FGFR4: variants seen among roughly 807,000 people sequenced by gnomAD.
FGFR4 encodes the protein fibroblast growth factor receptor 4, also known as hydroxyaryl-protein kinase.
FGFR4 carries 63 observed loss-of-function variants against 89.9 expected under a neutral mutation model. That is an observed-to-expected ratio of 0.70 (90% CI 0.57 to 0.86). FGFR4 has a LOEUF of 0.86. Ranked by LOEUF, FGFR4 falls within the 40% of genes least tolerant of loss-of-function variation. The probability of loss-of-function intolerance (pLI) is 0.00; values close to 1 mark genes in which losing one functional copy is unlikely to be tolerated. For missense variants in FGFR4, 928 were observed against 1,106.7 expected, an observed-to-expected ratio of 0.84 and a Z score of 2.29; for synonymous variants, 486 against 479.4, an observed-to-expected ratio of 1.01 and a Z score of -0.18.
rs1342760066 is a variant in FGFR4, at chr5:177,096,640, C to A, written c.2052C>A (p.Thr684=). The change falls in exon 16 of 18, where the codon ACC becomes ACA. Residue 684 remains threonine (T), a synonymous_variant. Coordinates refer to ENST00000292408, the MANE Select transcript of FGFR4 (RefSeq NM_213647.3). The stretch of plus-strand genomic sequence containing the variant: ...GGATCCTGCTATGGGAGATCTTCAC[C>A]CTCGGGGGCTCCCCGTATCCTGGCA... The part of the protein sequence containing the change: ...SFGILLWEIF[T]LGGSPYPGIP... 6.2e-7 allele frequency: 1 copy of A among 1,613,400 alleles called. No homozygotes were observed. Among genetic ancestry groups the A allele is most frequent in the Admixed American group, 1.7e-5 (1 of 59,902 alleles).
chr5:177,089,510 G>A (rs1181083508), intron 1 of FGFR4, 40 bp from the exon 2 acceptor site: 2 of 1,495,612 alleles, frequency 1.3e-6, no homozygotes, highest in Non-Finnish European at 1.8e-6. Context: ...CCCCACAAAG[G>A]TGCACGTGTA....
At position 177,093,585 on chromosome 5, in the gene FGFR4, C is replaced by T. The variant is rs1179963537; in HGVS notation, c.1397+34C>T. On this transcript the variant is annotated intron_variant, in intron 10 of 17. Coordinates refer to ENST00000292408, the MANE Select transcript of FGFR4 (RefSeq NM_213647.3). The surrounding 1 kb of genome is among the most constrained non-coding windows in gnomAD (Gnocchi z 5.8). ...AGCTGTGTGGGGGCAGGGACGCGGG[C>T]GCCGGGTTGCAGCCCGCCCTCCGCA... 14 of 1,612,032 alleles carry T rather than the reference C, an allele frequency of 8.7e-6. No individual in the cohort carries two copies. The Middle Eastern group carries it at 4.9e-4, about 57-fold the overall frequency.
Position 177,096,339 on chromosome 5 carries a change from A to C in FGFR4, c.1997A>C (p.Tyr666Ser). 6.2e-7 allele frequency: 1 copy of C among 1,613,970 alleles called. No individual in the cohort carries two copies. The highest frequency in any genetic ancestry group is 8.5e-7 in the Non-Finnish European group (1 of 1,179,984). ...MAPEALFDRV[Y>S]THQSDVWSFG... ...CCCGAGGCCTTGTTTGACCGGGTGT[A>C]CACACACCAGAGTGACGTGTGAGTC... The change falls in exon 15 of 18, where the codon TAC (tyrosine) becomes TCC (serine). Residue 666 changes from tyrosine (Y) to serine (S), a missense_variant. Physicochemically the swap from Tyr to Ser is moderately radical, Grantham distance 144. This residue lies in a region of FGFR4 where 27 missense variants were observed against 64.4 expected (regional missense o/e 0.42). Coordinates refer to ENST00000292408, the MANE Select transcript of FGFR4 (RefSeq NM_213647.3).
At position 177,096,179 on chromosome 5, in the gene FGFR4, C is replaced by T. The variant is rs373126273; in HGVS notation, c.1944C>T (p.Asn648=). The T allele has an allele frequency of 6.5e-5, 105 of 1,613,768 alleles. No homozygotes were observed. Among genetic ancestry groups the T allele is most frequent in the Non-Finnish European group, 8.1e-5 (96 of 1,179,872 alleles). Reference sequence around the variant, plus strand: ...TTGACTACTATAAGAAAACCAGCAACGTGAGGGAGATGGGGCAGAACTGGA... The same window carrying T: ...TTGACTACTATAAGAAAACCAGCAATGTGAGGGAGATGGGGCAGAACTGGA... The part of the protein sequence containing the change: ...HHIDYYKKTS[N]GRLPVKWMAP... The change falls in exon 14 of 18, where the codon AAC becomes AAT. Residue 648 remains asparagine, a splice_region_variant and synonymous_variant. Coordinates refer to ENST00000292408, the MANE Select transcript of FGFR4 (RefSeq NM_213647.3).
rs2149735118 is a variant in FGFR4 at position 177,093,193 on chromosome 5, C to T, written c.1113C>T (p.Ile371=). ...CCGAGGCCAGGTATACGGACATCAT[C>T]CTGTACGCGTCGGGCTCCCTGGCCT... ...AAPEARYTDI[I]LYASGSLALA... Residue 371 remains isoleucine, a synonymous_variant, in exon 9 of 18, where the codon ATC becomes ATT. Coordinates refer to ENST00000292408, the MANE Select transcript of FGFR4 (RefSeq NM_213647.3). This position sits in a 1 kb window ranked among gnomAD's most constrained non-coding sequence, Gnocchi z 5.8. The T allele has an allele frequency of 6.2e-7, 1 of 1,613,470 alleles. No homozygotes were observed. The highest frequency in any genetic ancestry group is 8.5e-7 in the Non-Finnish European group (1 of 1,179,478).
Position 177,095,262 on chromosome 5 carries a change from A to T in FGFR4, c.1520-68A>T, listed in dbSNP as rs952023595. The T allele has an allele frequency of 6.9e-6, 9 of 1,307,528 alleles. No individual in the cohort carries two copies. The highest frequency in any genetic ancestry group is 1.5e-5 in the African/African-American group (1 of 68,824). The allele number at this position is 1,307,528 out of a possible 1,614,324, so 81.0% of individuals were successfully genotyped here. A position where few individuals can be genotyped will look rare whatever the true frequency, so the allele number is the denominator to read the frequency against. On this transcript the variant is annotated intron_variant, in intron 11 of 17. Transcript: ENST00000292408. The surrounding 1 kb of genome is among the most constrained non-coding windows in gnomAD (Gnocchi z 5.7). The stretch of plus-strand genomic sequence containing the variant: ...CCTGGTCCAGTGCTGCTTGTCCTGC[A>T]CCTGCCTCTGCATGCTCCCTCGTGC...
At chr5:177,096,854 G>GTCCTCCTCCTCCTCTTCCTCT in intron 16 of FGFR4, 113 bp downstream of exon 16, 2 of 1,081,854 alleles carry the variant, frequency 1.8e-6, no homozygotes, top group South Asian at 1.7e-5. Flanking sequence ...ACAACTCCTC[G>GTCCTCCTCCTCCTCTTCCTCT]TCCTCCTCCT....
In FGFR4 at chr5:177,096,722, C is replaced by T. The variant is rs757777042; in HGVS notation, c.2134C>T (p.Pro712Ser). Residue 712 changes from proline (P) to serine (S), a missense_variant, in exon 16 of 18, where the codon CCA becomes TCA. Pro to Ser is a moderately conservative substitution (Grantham distance 74, BLOSUM62 -1). This residue lies in a region of FGFR4 where 129 missense variants were observed against 150.8 expected (regional missense o/e 0.86). Transcript: ENST00000292408. Reference sequence around the variant, plus strand: ...GGAGGGACATCGGATGGACCGACCCCCACACTGCCCCCCAGAGCTGTGAGG... The same window carrying T: ...GGAGGGACATCGGATGGACCGACCCTCACACTGCCCCCCAGAGCTGTGAGG... ...LREGHRMDRP[P>S]HCPPELYGLM... 50 of 1,586,336 alleles carry T rather than the reference C, an allele frequency of 3.2e-5. No homozygotes were observed. The highest frequency in any genetic ancestry group is 4.1e-5 in the Non-Finnish European group (48 of 1,166,132).
chr5:177,092,851 C>G, intron 8 of FGFR4, 67 bp downstream of exon 8: 3 of 1,611,044 alleles, frequency 1.9e-6, no homozygotes, highest in Non-Finnish European at 2.5e-6. Flanking sequence ...GGGCTGTGGC[C>G]TGTTGGGTGG....
In FGFR4 at chr5:177,096,558, C is replaced by T. The variant is rs372452820; in HGVS notation, c.2016-46C>T. On this transcript the variant is annotated intron_variant, in intron 15 of 17. Transcript: ENST00000292408. ...TGGGGTCCCCCGTCCTAGCCCCGGT[C>T]GTCGGGAGGGCGCTGAGCCACACTG... The T allele has an allele frequency of 2.4e-5, 39 of 1,606,228 alleles. No individual in the cohort carries two copies. In the African/African-American group the frequency reaches 3.1e-4, roughly 13 times the overall value.
rs755351877 is a variant in FGFR4, at chr5:177,092,461, A to G, written c.868A>G (p.Asn290Asp). 7.5e-6 allele frequency: 12 copies of G among 1,601,234 alleles called. No individual in the cohort carries two copies. The African/African-American group carries it at 1.2e-4, about 16-fold the overall frequency. Residue 290 changes from asparagine (N) to aspartate (D), a missense_variant, in exon 7 of 18, where the codon AAC becomes GAC. Physicochemically the swap from Asn to Asp is conservative, Grantham distance 23 (BLOSUM62 1). Around this residue, in one of 5 missense-constraint regions of FGFR4, gnomAD observed 741 missense variants for 836.9 expected, o/e 0.89. Transcript: ENST00000292408. ...HIQWLKHIVINGSSFGADGFP... is the reference protein window; with the variant it reads ...HIQWLKHIVIDGSSFGADGFP... ...CCAGTGGCTGAAGCACATCGTCATC[A>G]ACGGCAGCAGCTTCGGAGCCGACGG...
rs998774570 is a variant in FGFR4 at position 177,095,982 on chromosome 5, G to T, written c.1822-75G>T. ...AAGTGGGTGGAGGGCCCCTGCCCCC[G>T]GGCCTGCTGGGGGGTGGTGTGTGCT... On this transcript the variant is annotated intron_variant, in intron 13 of 17. Transcript: ENST00000292408. The surrounding 1 kb of genome is among the most constrained non-coding windows in gnomAD (Gnocchi z 5.7). 1.3e-6 allele frequency: 2 copies of T among 1,546,572 alleles called. No individual in the cohort carries two copies. Among genetic ancestry groups the T allele is most frequent in the Non-Finnish European group, 1.7e-6 (2 of 1,146,180 alleles).
In FGFR4 at chr5:177,093,415, G is replaced by C. The variant is rs777668601; in HGVS notation, c.1261G>C (p.Glu421Gln). 4 of 1,613,990 alleles carry C rather than the reference G, an allele frequency of 2.5e-6. No individual in the cohort carries two copies. Among genetic ancestry groups the C allele is most frequent in the Non-Finnish European group, 3.4e-6 (4 of 1,179,966 alleles). ...RFPLARQFSLESGSSGKSSSS... is the reference protein window; with the variant it reads ...RFPLARQFSLQSGSSGKSSSS... ...GTCTCCCACTTTGCAGTTCTCCCTG[G>C]AGTCAGGCTCTTCCGGCAAGTCAAG... Residue 421 changes from glutamate (E) to glutamine (Q), a missense_variant, in exon 10 of 18, where the codon GAG (glutamate) becomes CAG (glutamine). By Grantham distance (29) the Glu-to-Gln change is conservative. Transcript: ENST00000292408. The surrounding 1 kb of genome is among the most constrained non-coding windows in gnomAD (Gnocchi z 5.8).
In FGFR4 at chr5:177,092,355, G is replaced by A. The variant is rs2149733653; in HGVS notation, c.762G>A (p.Gly254=). 6.3e-7 allele frequency: 1 copy of A among 1,599,024 alleles called. No individual in the cohort carries two copies. The highest frequency in any genetic ancestry group is 1.7e-5 in the Admixed American group (1 of 58,818). The change falls in exon 7 of 18, where the codon GGG becomes GGA. Residue 254 remains glycine (G), a synonymous_variant. Transcript: ENST00000292408. Reference sequence around the variant, plus strand: ...CGCACCGGCCCATCCTGCAGGCCGGGCTCCCGGCCAACACCACAGCCGTGG... The same window carrying A: ...CGCACCGGCCCATCCTGCAGGCCGGACTCCCGGCCAACACCACAGCCGTGG... ...RSPHRPILQA[G]LPANTTAVVG... is the part of the protein sequence containing the mutation.
Position 177,096,695 on chromosome 5 carries a change from C to G in FGFR4, c.2107C>G (p.Arg703Gly). 6.2e-7 allele frequency: 1 copy of G among 1,605,192 alleles called. No homozygotes were observed. The highest frequency in any genetic ancestry group is 8.5e-7 in the Non-Finnish European group (1 of 1,175,598). The change falls in exon 16 of 18, where the codon CGG becomes GGG. Residue 703 changes from arginine to glycine, a missense_variant. Around this residue, in one of 5 missense-constraint regions of FGFR4, gnomAD observed 129 missense variants for 150.8 expected, o/e 0.86. Coordinates refer to ENST00000292408, the MANE Select transcript of FGFR4 (RefSeq NM_213647.3). ...GGTGGAGGAGCTGTTCTCGCTGCTG[C>G]GGGAGGGACATCGGATGGACCGACC... Reference protein sequence around the residue: ...IPVEELFSLLREGHRMDRPPH... With the variant: ...IPVEELFSLLGEGHRMDRPPH...
At chr5:177,088,019 GTTT>G (rs1784210955) in intron 1 of FGFR4, among the ~76,000 whole-genome samples, 1 of 152,046 alleles carries the variant, frequency 6.6e-6, no homozygotes, top group African/African-American at 2.4e-5. Flanking sequence ...AGACTTGCAG[GTTT>G]TTTTGTTTGT....
At chr5:177,096,011 C>G in intron 13 of FGFR4, 46 bp from the exon 14 acceptor site, 1 of 1,595,516 alleles carries the variant, frequency 6.3e-7, no homozygotes, top group Non-Finnish European at 8.5e-7. Flanking sequence ...GTGTGCTCAA[C>G]TCCAGGCCAG....
intron 2 of FGFR4, 118 bp downstream of exon 2, chr5:177,089,811 C>A: frequency 7.7e-7 from 1 of 1,301,098 alleles, no homozygotes; most frequent in Non-Finnish European, 1.1e-6. Context: ...AAGGTGGCGG[C>A]AGGGCAGGGC....
At position 177,093,279 on chromosome 5, in the gene FGFR4, C is replaced by T. The variant is rs1784433698; in HGVS notation, c.1199C>T (p.Pro400Leu). The T allele has an allele frequency of 6.3e-7, 1 of 1,593,390 alleles. No individual in the cohort carries two copies. Among genetic ancestry groups the T allele is most frequent in the African/African-American group, 1.3e-5 (1 of 74,674 alleles). Reference protein sequence around the residue: ...YRGQALHGRHPRPPATVQKLS... With the variant: ...YRGQALHGRHLRPPATVQKLS... ...GGGCAGGCGCTCCACGGCCGGCACC[C>T]CCGCCCGCCCGCCACTGTGCAGAAG... Residue 400 changes from proline to leucine, a missense_variant, in exon 9 of 18, where the codon CCC (proline) becomes CTC (leucine). Transcript: ENST00000292408. The surrounding 1 kb of genome is among the most constrained non-coding windows in gnomAD (Gnocchi z 5.8).
Sources: allele counts gnomAD v4.1 joint callset (sites outside exome capture counted in the v4.1 genomes callset), GRCh38; gene constraint gnomAD v4.1.1; regional missense constraint gnomAD v4.1.1; non-coding constraint Gnocchi (gnomAD v3.1); transcripts MANE v1.5; gene names NCBI Gene and HGNC (gene_info 2026-07-23, HGNC 2026-07-21).